ULK4: variants seen among roughly 807,000 people sequenced by gnomAD.
The protein encoded by ULK4 is unc-51 like kinase 4.
In ULK4, 133 loss-of-function variants were observed where a neutral mutation model predicts 160.6. The observed-to-expected ratio is 0.83, with a 90% CI of 0.72 to 0.96. The LOEUF is 0.96. ULK4 is among the 40% of genes least tolerant of loss of function. The pLI is 0.00. For synonymous variants in ULK4, 534 were observed against 539.8 expected (o/e 0.99, Z 0.15); for missense variants, 1,580 against 1,499.5 (o/e 1.05, Z -0.89).
At chr3:41,534,516 C>CAAAAAAAAAA (rs11381017) in intron 32 of ULK4, among the ~76,000 whole-genome samples, 6 of 142,140 alleles carry the variant, frequency 4.2e-5, no homozygotes, top group African/African-American at 1.3e-4. Context: ...AATGTTTAAG[C>CAAAAAAAAAA]AAAAAAAAAA....
rs554571429 is a variant in ULK4, at chr3:41,435,092, T to C, written c.3492+20405A>G. On this transcript the variant is annotated intron_variant, in intron 34 of 36. Transcript: ENST00000301831. ...AACCATAATTATAAAAAGTTATGAG[T>C]TGAAAAATTTATCCTTCAAAATTCA... Among the ~76,000 whole-genome samples the C allele has an allele frequency of 2.2e-3, 335 of 152,312 alleles. 2 individuals carry two copies. The highest frequency in any genetic ancestry group is 3.2e-3 in the Non-Finnish European group (220 of 68,032).
At chr3:41,577,061 A>C (rs1211632035) in intron 31 of ULK4, among the ~76,000 whole-genome samples, 4 of 152,246 alleles carry the variant, frequency 2.6e-5, no homozygotes, top group Non-Finnish European at 5.9e-5. Flanking sequence ...GAGTTTACCA[A>C]GTGTTGGTAC....
chr3:41,911,271 T>G, intron 11 of ULK4, 46 bp downstream of exon 11: 2 of 1,584,908 alleles, frequency 1.3e-6, no homozygotes, highest in Non-Finnish European at 1.7e-6. Context: ...TTTAAGAAAA[T>G]TTAACTTTTG....
chr3:41,683,411 T>A (rs775015815), intron 27 of ULK4, among the ~76,000 whole-genome samples: 20 of 151,774 alleles, frequency 1.3e-4, no homozygotes, highest in Admixed American at 1.3e-4. Flanking sequence ...GGGGTGCTTT[T>A]TTCTCCTCTG....
intron 32 of ULK4, among the ~76,000 whole-genome samples, chr3:41,561,382 A>G (rs1165752704): frequency 2.6e-5 from 4 of 152,214 alleles, no homozygotes; most frequent in African/African-American, 9.7e-5. Context: ...GCATCATACA[A>G]TGAGTTAGGG....
At chr3:41,499,046 TG>T (rs376152369) in intron 32 of ULK4, among the ~76,000 whole-genome samples, 125 of 152,276 alleles carry the variant, frequency 8.2e-4, no homozygotes, top group African/African-American at 2.9e-3. Context: ...AAAAATGCTG[TG>T]GTAAGTGAAA....
chr3:41,630,667 T>C (rs1432020875), intron 30 of ULK4, among the ~76,000 whole-genome samples: 1 of 152,250 alleles, frequency 6.6e-6, no homozygotes, highest in African/African-American at 2.4e-5. Flanking sequence ...GAAGTTGCTA[T>C]AGATACACCA....
chr3:41,769,362 G>T (rs1024482609), intron 21 of ULK4, among the ~76,000 whole-genome samples: 2 of 152,142 alleles, frequency 1.3e-5, no homozygotes, highest in Non-Finnish European at 2.9e-5. Context: ...AAGATTACAG[G>T]CTACAGGCAA....
chr3:41,262,267 G>A (rs1250303249), intron 35 of ULK4, among the ~76,000 whole-genome samples: 1 of 152,200 alleles, frequency 6.6e-6, no homozygotes, highest in Non-Finnish European at 1.5e-5. Context: ...GGGGGAGCTA[G>A]TCCCAGCTTC....
At chr3:41,794,491 C>T (rs1172014563) in intron 20 of ULK4, among the ~76,000 whole-genome samples, 2 of 151,638 alleles carry the variant, frequency 1.3e-5, no homozygotes, top group Admixed American at 6.6e-5. Context: ...TGGTGAAACC[C>T]TATCTCTACT....
intron 35 of ULK4, among the ~76,000 whole-genome samples, chr3:41,375,614 T>C (rs1233837870): frequency 1.3e-5 from 2 of 150,274 alleles, no homozygotes; most frequent in Non-Finnish European, 2.9e-5. Context: ...CCCTACACCT[T>C]ATACAAAAAT....
chr3:41,410,875 C>T (rs141588397), intron 34 of ULK4, among the ~76,000 whole-genome samples: 28 of 152,272 alleles, frequency 1.8e-4, no homozygotes, highest in Non-Finnish European at 3.5e-4. Context: ...TTTGTCTCTA[C>T]GTGGCTGTCT....
intron 18 of ULK4, among the ~76,000 whole-genome samples, chr3:41,828,195 C>T (rs1243370078): frequency 7.0e-6 from 1 of 143,774 alleles, no homozygotes; most frequent in Non-Finnish European, 1.5e-5. Context: ...CAATATCATA[C>T]TGAATGGAAA....
At chr3:41,705,902 A>C (rs1406595488) in intron 25 of ULK4, among the ~76,000 whole-genome samples, 1 of 152,208 alleles carries the variant, frequency 6.6e-6, no homozygotes, top group Non-Finnish European at 1.5e-5. Context: ...CTTGCTCGCC[A>C]TATCAGAAGA....
intron 29 of ULK4, among the ~76,000 whole-genome samples, chr3:41,664,627 T>C (rs1186043856): frequency 6.6e-6 from 1 of 152,128 alleles, no homozygotes; most frequent in African/African-American, 2.4e-5. Context: ...GCTCAAACAG[T>C]TGAGGCACAG....
intron 17 of ULK4, among the ~76,000 whole-genome samples, chr3:41,842,774 A>C (rs2041967276): frequency 6.6e-6 from 1 of 152,226 alleles, no homozygotes; most frequent in African/African-American, 2.4e-5. Flanking sequence ...TGCCTCAGGT[A>C]TTCCTTTACA....
At chr3:41,278,781 C>T (rs777120020) in intron 35 of ULK4, among the ~76,000 whole-genome samples, 50 of 152,154 alleles carry the variant, frequency 3.3e-4, no homozygotes, top group Admixed American at 7.9e-4. Flanking sequence ...TCACCAAAAT[C>T]CCACCCATAG....
chr3:41,484,040 A>G (rs770504021), intron 32 of ULK4, among the ~76,000 whole-genome samples: 10 of 152,286 alleles, frequency 6.6e-5, no homozygotes, highest in Middle Eastern at 3.4e-3. Flanking sequence ...GTCTTTTCTA[A>G]TATGTCAAAA....
intron 2 of ULK4, among the ~76,000 whole-genome samples, chr3:41,950,434 G>A (rs1166981412): frequency 6.6e-6 from 1 of 152,094 alleles, no homozygotes; most frequent in African/African-American, 2.4e-5. Context: ...GTAGAGACAG[G>A]GTTTCACCGT....
Sources: gnomAD v4.1 joint callset for allele counts (sites outside exome capture counted in the v4.1 genomes callset) on GRCh38, gnomAD v4.1.1 for gene constraint, MANE v1.5 for transcripts, NCBI Gene and HGNC (gene_info 2026-07-23, HGNC 2026-07-21) for gene names.